The following OXR1 variants were observed in gnomAD, a reference collection of about 807,000 sequenced individuals.
OXR1 encodes the protein oxidation resistance protein 1.
In OXR1, 41 loss-of-function variants were observed where a neutral mutation model predicts 104.6. That is an observed-to-expected ratio of 0.39 (90% CI 0.31 to 0.51). The LOEUF is 0.51. Ranked by LOEUF, OXR1 falls within the 20% of genes least tolerant of loss-of-function variation. The probability of loss-of-function intolerance (pLI) is 0.77; values close to 1 mark genes in which losing one functional copy is unlikely to be tolerated. For missense variants in OXR1, 955 were observed against 1,031.9 expected (o/e 0.93, Z 1.02); for synonymous variants, 348 against 348.4 (o/e 1.00, Z 0.01).
Position 106,365,433 on chromosome 8 carries a change from A to G in OXR1, c.23+5797A>G, listed in dbSNP as rs544055022. 7.4e-4 allele frequency among the ~76,000 whole-genome samples: 99 copies of G among 134,112 alleles called. 2 individuals are homozygous for G. The South Asian group carries it at 0.022, about 30-fold the overall frequency. The allele number at this position is 134,112 out of a possible 152,430, so 88.0% of individuals were successfully genotyped here. On this transcript the variant is annotated intron_variant, in intron 2 of 16. Coordinates refer to ENST00000517566, the MANE Select transcript of OXR1 (RefSeq NM_001198533.2). ...TAAGAGAAAATAACCTAGGAAGAGA[A>G]AAAAAAAAAAGAATAGAATAGCCAA...
At chr8:106,650,805 T>C (rs1824503600) in intron 3 of OXR1, among the ~76,000 whole-genome samples, 1 of 152,238 alleles carries the variant, frequency 6.6e-6, no homozygotes, top group Non-Finnish European at 1.5e-5. Context: ...GCATACGACA[T>C]GTGGTGTTCT....
chr8:106,680,684 C>A (rs1392758688), intron 4 of OXR1, among the ~76,000 whole-genome samples: 1 of 152,130 alleles, frequency 6.6e-6, no homozygotes, highest in Admixed American at 6.5e-5. Context: ...CATTCTATTA[C>A]TTGGAGTGCT....
At position 106,473,118 on chromosome 8, in the gene OXR1, A is replaced by C. The variant is rs560690742; in HGVS notation, c.24-45825A>C. 9.2e-5 allele frequency among the ~76,000 whole-genome samples: 14 copies of C among 152,028 alleles called. No individual in the cohort carries two copies. The East Asian group carries it at 2.7e-3, about 29-fold the overall frequency. On this transcript the variant is annotated intron_variant, in intron 2 of 16. Transcript: ENST00000517566. Reference sequence around the variant, plus strand: ...TTTACACTATTTGGAAAAGGAGAGAAAATTCTCTGAATGGGGTAAGTGGAT... The same window carrying C: ...TTTACACTATTTGGAAAAGGAGAGACAATTCTCTGAATGGGGTAAGTGGAT...
rs1823469116 is a variant in OXR1 at position 106,639,715 on chromosome 8, G to T, written c.221-39495G>T. Among the ~76,000 whole-genome samples, 2 of 152,166 alleles carry T rather than the reference G, an allele frequency of 1.3e-5. 1 individual carries two copies. Among genetic ancestry groups the T allele is most frequent in the South Asian group, 4.1e-4 (2 of 4,826 alleles). On this transcript the variant is annotated intron_variant, in intron 3 of 16. Coordinates refer to ENST00000517566, the MANE Select transcript of OXR1 (RefSeq NM_001198533.2). ...GATCATGATATGATAGTTTAGGATT[G>T]ATAAAATAAGATGTGGCAAGGGATT... is the stretch of plus-strand genomic sequence containing the variant.
intron 16 of OXR1, among the ~76,000 whole-genome samples, chr8:106,748,519 ATC>A (rs1835588019): frequency 8.7e-6 from 1 of 115,410 alleles, no homozygotes; most frequent in East Asian, 2.4e-4. Flanking sequence ...TACTATACTG[ATC>A]TGTCTTTTCT....
intron 2 of OXR1, among the ~76,000 whole-genome samples, chr8:106,378,076 A>G (rs1816983082): frequency 6.6e-6 from 1 of 152,212 alleles, no homozygotes. Context: ...GTGCATATCT[A>G]TATTAAGAAT....
At chr8:106,298,516 A>G (rs1327691835) in intron 1 of OXR1, among the ~76,000 whole-genome samples, 1 of 152,140 alleles carries the variant, frequency 6.6e-6, no homozygotes, top group Non-Finnish European at 1.5e-5. Context: ...ACCCAGCCAG[A>G]CCATATCAGA....
At chr8:106,694,443 T>C (rs1829632127) in intron 7 of OXR1, among the ~76,000 whole-genome samples, 1 of 138,034 alleles carries the variant, frequency 7.2e-6, no homozygotes, top group African/African-American at 2.7e-5. Flanking sequence ...TATAAATATA[T>C]TTTTATATAT....
intron 11 of OXR1, among the ~76,000 whole-genome samples, chr8:106,723,603 C>T (rs902690796): frequency 6.6e-6 from 1 of 151,720 alleles, no homozygotes; most frequent in African/African-American, 2.4e-5. Flanking sequence ...ACCCAGGAGG[C>T]GGAGGTTACA....
intron 11 of OXR1, chr8:106,726,208 G>A (rs1429884997): frequency 1.2e-5 from 18 of 1,512,000 alleles, no homozygotes; most frequent in East Asian, 5.0e-5. Flanking sequence ...CAGTTCTTAC[G>A]TGATTTTATG....
chr8:106,592,156 T>C (rs1166196103), intron 3 of OXR1, among the ~76,000 whole-genome samples: 1 of 152,182 alleles, frequency 6.6e-6, no homozygotes, highest in Non-Finnish European at 1.5e-5. Context: ...CTTTTCCCTA[T>C]TAAATTAAAA....
In OXR1 at chr8:106,751,474, T is replaced by C. The variant is rs561946979; in HGVS notation, c.*533T>C. ...TCATAGACCACTGAGTTCTAGTTTT[T>C]ATTCACACTACAACATTCTCTTTAA... is the stretch of plus-strand genomic sequence containing the variant. On this transcript the variant is annotated 3_prime_UTR_variant, in exon 17 of 17. Transcript: ENST00000517566. 2.0e-5 allele frequency: 3 copies of C among 152,744 alleles called. No individual in the cohort carries two copies. Among genetic ancestry groups the C allele is most frequent in the East Asian group, 3.9e-4 (2 of 5,188 alleles). The allele number at this position is 152,744 out of a possible 1,614,324, so 9.5% of individuals were successfully genotyped here.
At chr8:106,379,537 CTTTTTT>C (rs60855438) in intron 2 of OXR1, among the ~76,000 whole-genome samples, 1 of 108,400 alleles carries the variant, frequency 9.2e-6, no homozygotes, top group Admixed American at 1.1e-4. Flanking sequence ...TTCTTTCTTT[CTTTTTT>C]TTTTTTTTTT....
In OXR1 at chr8:106,274,616, C is replaced by G. The variant is rs1360576812; in HGVS notation, c.-139+4249C>G. 2.7e-5 allele frequency among the ~76,000 whole-genome samples: 4 copies of G among 148,886 alleles called. No individual in the cohort carries two copies. In the South Asian group the frequency reaches 9.2e-4, roughly 34 times the overall value. ...AGCAACGCCACCCCCCCCCCGACCCCGCCCTTTCTCCTGTGCATACAAACA... is the reference window on the plus strand; with the variant it reads ...AGCAACGCCACCCCCCCCCCGACCCGGCCCTTTCTCCTGTGCATACAAACA... On this transcript the variant is annotated intron_variant, in intron 1 of 16. Transcript: ENST00000517566.
At chr8:106,643,195 A>G (rs1235181749) in intron 3 of OXR1, among the ~76,000 whole-genome samples, 2 of 152,178 alleles carry the variant, frequency 1.3e-5, no homozygotes, top group African/African-American at 2.4e-5. Context: ...TTTTTCTGAA[A>G]AGGGCCAGGG....
At chr8:106,664,229 A>C (rs989362080) in intron 3 of OXR1, among the ~76,000 whole-genome samples, 1 of 152,222 alleles carries the variant, frequency 6.6e-6, no homozygotes, top group African/African-American at 2.4e-5. Flanking sequence ...TCTATGTTGT[A>C]GAACAAAACT....
At chr8:106,427,051 C>G (rs1819155193) in intron 2 of OXR1, among the ~76,000 whole-genome samples, 1 of 152,128 alleles carries the variant, frequency 6.6e-6, no homozygotes, top group Non-Finnish European at 1.5e-5. Context: ...TGATTCATGA[C>G]TGTATTCACT....
intron 2 of OXR1, among the ~76,000 whole-genome samples, chr8:106,376,731 CAT>C (rs1206188030): frequency 6.6e-6 from 1 of 152,204 alleles, no homozygotes; most frequent in South Asian, 2.1e-4. Context: ...CTGATTTCCA[CAT>C]GTGTGCTTTC....
intron 2 of OXR1, among the ~76,000 whole-genome samples, chr8:106,415,248 G>A (rs955011877): frequency 1.3e-5 from 2 of 152,010 alleles, no homozygotes; most frequent in African/African-American, 4.8e-5. Flanking sequence ...CTTTTCTGCA[G>A]GCCTAAAATC....
Sources: allele counts gnomAD v4.1 joint callset (sites outside exome capture counted in the v4.1 genomes callset), GRCh38; gene constraint gnomAD v4.1.1; transcripts MANE v1.5; gene names NCBI Gene and HGNC (gene_info 2026-07-23, HGNC 2026-07-21).